AK9: variants seen among roughly 807,000 people sequenced by gnomAD.
AK9 encodes adenylate kinase domain containing 1.
A neutral mutation model predicts 239.6 loss-of-function variants in AK9; 191 were observed. The observed-to-expected ratio is 0.80, with a 90% CI of 0.71 to 0.90. The LOEUF is 0.90. Among genes scored for constraint, AK9 ranks in the 40% least tolerant of loss-of-function variants. The pLI is 0.00. For synonymous variants in AK9, 689 were observed against 721.0 expected, an observed-to-expected ratio of 0.96 and a Z score of 0.71; for missense variants, 1,995 against 2,214.7, an observed-to-expected ratio of 0.90 and a Z score of 1.99.
At chr6:109,579,997 T>G (rs1562442417) in intron 19 of AK9, among the ~76,000 whole-genome samples, 1 of 152,200 alleles carries the variant, frequency 6.6e-6, no homozygotes, top group Non-Finnish European at 1.5e-5. Flanking sequence ...AAACTGTATG[T>G]ATAATATAAT....
At chr6:109,497,292 G>C (rs1028517159) in intron 38 of AK9, among the ~76,000 whole-genome samples, 173 bp downstream of exon 38, 1 of 146,886 alleles carries the variant, frequency 6.8e-6, no homozygotes, top group African/African-American at 2.5e-5. Context: ...ATCTTACCCT[G>C]GACAGCTTTG....
chr6:109,619,380 T>C, intron 12 of AK9, 144 bp from the exon 13 acceptor site: 2 of 987,146 alleles, frequency 2.0e-6, no homozygotes. Flanking sequence ...TTTGGAGTTA[T>C]GTTCAGAATT....
Position 109,614,269 on chromosome 6 carries a change from C to T in AK9, c.1523G>A (p.Arg508Lys), listed in dbSNP as rs1793902365. Residue 508 changes from arginine to lysine, a missense_variant, in exon 15 of 41, where the codon AGA becomes AAA. Around this residue, in one of 5 missense-constraint regions of AK9, gnomAD observed 1,290 missense variants for 1,392.7 expected, o/e 0.93. Transcript: ENST00000424296. The part of the protein sequence containing the change: ...EGYIQGSQRD[R>K]GSSLVDTEEA... ...TTCGGTGTCCACTAAAGAGCTGCCT[C>T]TGTCCCTTTGGGAGCCTTGAATGTA... The T allele has an allele frequency of 8.4e-6, 13 of 1,551,340 alleles. No individual in the cohort carries two copies. The highest frequency in any genetic ancestry group is 9.6e-6 in the Non-Finnish European group (11 of 1,146,772).
At chr6:109,685,424 T>C (rs969745847) in intron 1 of AK9, among the ~76,000 whole-genome samples, 1 of 152,198 alleles carries the variant, frequency 6.6e-6, no homozygotes, top group Non-Finnish European at 1.5e-5. Flanking sequence ...TTCACATCCT[T>C]TGCAGGGACA....
chr6:109,507,477 T>A (rs746256604), intron 33 of AK9, among the ~76,000 whole-genome samples: 1 of 152,118 alleles, frequency 6.6e-6, no homozygotes, highest in Admixed American at 6.5e-5. Flanking sequence ...TCAGGACCTA[T>A]GATGCATGCC....
At chr6:109,655,666 T>C (rs974361408) in intron 8 of AK9, among the ~76,000 whole-genome samples, 1 of 152,210 alleles carries the variant, frequency 6.6e-6, no homozygotes, top group Non-Finnish European at 1.5e-5. Context: ...TATAACCTGG[T>C]GCTTGTTCTT....
chr6:109,516,279 T>C (rs1582798247), intron 30 of AK9, 151 bp downstream of exon 30: 6 of 865,314 alleles, frequency 6.9e-6, no homozygotes, highest in Non-Finnish European at 1.0e-5. Flanking sequence ...ATGGACTTAT[T>C]GCATAATTGT....
chr6:109,614,100 T>A (rs956398656), intron 15 of AK9, 83 bp downstream of exon 15: 1 of 1,349,246 alleles, frequency 7.4e-7, no homozygotes, highest in African/African-American at 1.5e-5. Context: ...GGGGTAATTT[T>A]AAGCATAAAT....
intron 29 of AK9, chr6:109,528,763 T>C: frequency 1.7e-6 from 1 of 594,058 alleles, no homozygotes; most frequent in South Asian, 1.5e-5. Context: ...TGGACATTTT[T>C]ATACAGATGG....
At chr6:109,534,391 T>C (rs1781693743) in intron 27 of AK9, among the ~76,000 whole-genome samples, 1 of 150,164 alleles carries the variant, frequency 6.7e-6, no homozygotes, top group Non-Finnish European at 1.5e-5. Flanking sequence ...AGAGAGTCAA[T>C]ACTGGTTCCT....
rs149192878 is a variant in AK9, at chr6:109,683,792, A to G, written c.-12+7355T>C. Among the ~76,000 whole-genome samples the G allele has an allele frequency of 6.6e-3, 1,001 of 152,336 alleles. 20 individuals are homozygous for G. Among genetic ancestry groups the G allele is most frequent in the East Asian group, 0.053 (274 of 5,188 alleles). On this transcript the variant is annotated intron_variant, in intron 1 of 40. Coordinates refer to ENST00000424296, the MANE Select transcript of AK9 (RefSeq NM_001145128.3). ...AAAACATTCCATGCTCATGGATAGGAAGAATCATATTGTGAAAATGGCCAT... is the reference window on the plus strand; with the variant it reads ...AAAACATTCCATGCTCATGGATAGGGAGAATCATATTGTGAAAATGGCCAT...
chr6:109,669,273 T>C (rs1801721074), intron 5 of AK9, among the ~76,000 whole-genome samples: 1 of 152,158 alleles, frequency 6.6e-6, no homozygotes, highest in Admixed American at 6.5e-5. Context: ...GCTTATCAGC[T>C]TGAGGAGATT....
At chr6:109,616,117 A>G (rs1794164970) in intron 13 of AK9, among the ~76,000 whole-genome samples, 1 of 152,064 alleles carries the variant, frequency 6.6e-6, no homozygotes, top group Non-Finnish European at 1.5e-5. Flanking sequence ...TTAATTGCTT[A>G]CCTACATAAT....
At chr6:109,679,705 C>T (rs558945378) in intron 1 of AK9, among the ~76,000 whole-genome samples, 6 of 152,292 alleles carry the variant, frequency 3.9e-5, no homozygotes, top group African/African-American at 1.2e-4. Flanking sequence ...TACAGGAGAG[C>T]TCCCGCTGGC....
At chr6:109,674,849 C>T (rs1255999506) in intron 2 of AK9, among the ~76,000 whole-genome samples, 1 of 152,176 alleles carries the variant, frequency 6.6e-6, no homozygotes, top group East Asian at 1.9e-4. Context: ...GTCCCAGGGT[C>T]CATGTAAAGT....
chr6:109,515,055 T>TG (rs1382337422), intron 31 of AK9, among the ~76,000 whole-genome samples: 2 of 152,188 alleles, frequency 1.3e-5, no homozygotes, highest in Admixed American at 1.3e-4. Context: ...AGAGAGGTCT[T>TG]GCCTTGTCAG....
intron 21 of AK9, among the ~76,000 whole-genome samples, chr6:109,572,270 G>A (rs924365011): frequency 2.6e-5 from 4 of 152,042 alleles, no homozygotes; most frequent in Admixed American, 6.6e-5. Context: ...TATTCCATTG[G>A]CTTCTACCAT....
chr6:109,543,482 C>T (rs184850387), intron 26 of AK9, among the ~76,000 whole-genome samples: 139 of 152,194 alleles, frequency 9.1e-4, no homozygotes, highest in African/African-American at 3.3e-3. Context: ...GAGTCTTGCT[C>T]TGTTGCCCAG....
intron 38 of AK9, 113 bp downstream of exon 38, chr6:109,497,352 A>ACTCTCTCT (rs1393785707): frequency 3.1e-6 from 2 of 636,300 alleles, no homozygotes; most frequent in African/African-American, 5.5e-5. Flanking sequence ...ACACACACAC[A>ACTCTCTCT]CACACACACA....
Sources: gnomAD v4.1 joint callset for allele counts (sites outside exome capture counted in the v4.1 genomes callset) on GRCh38, gnomAD v4.1.1 for gene constraint, gnomAD v4.1.1 regional missense constraint, MANE v1.5 for transcripts, NCBI Gene and HGNC (gene_info 2026-07-23, HGNC 2026-07-21) for gene names.